Variants in FREM2 observed in about 807,000 individuals in gnomAD.
The protein encoded by FREM2 is FRAS1 related extracellular matrix 2, also known as FRAS1-related extracellular matrix protein 2.
Under a neutral mutation model 219.9 loss-of-function variants are expected in FREM2, and 119 were observed. That is an observed-to-expected ratio of 0.54 (90% confidence interval 0.47 to 0.63). The LOEUF (loss-of-function observed/expected upper bound fraction) is 0.63, where lower values mean the gene tolerates loss of function less well. Among genes scored for constraint, FREM2 ranks in the 30% least tolerant of loss-of-function variants. The probability of loss-of-function intolerance (pLI) is 0.00; values close to 1 mark genes in which losing one functional copy is unlikely to be tolerated. For missense variants in FREM2, 4,030 were observed against 3,993.6 expected (o/e 1.01, Z -0.25); for synonymous variants, 1,562 against 1,522.8 (o/e 1.03, Z -0.60).
At chr13:38,763,488 TCAGAAAGACTTAAAAGG>T (rs1873316146) in intron 2 of FREM2, among the ~76,000 whole-genome samples, 1 of 142,438 alleles carries the variant, frequency 7.0e-6, no homozygotes, top group African/African-American at 2.6e-5. Context: ...ACACCCTCTT[TCAGAAAGACTTAAAAGG>T]CATTACTGAT....
intron 2 of FREM2, among the ~76,000 whole-genome samples, chr13:38,742,764 A>G (rs1872301227): frequency 6.6e-6 from 1 of 152,316 alleles, no homozygotes; most frequent in South Asian, 2.1e-4. Flanking sequence ...TCAGTACACT[A>G]CAATAGTTCT....
intron 2 of FREM2, among the ~76,000 whole-genome samples, chr13:38,701,407 C>T (rs895566165): frequency 5.3e-5 from 8 of 152,094 alleles, no homozygotes; most frequent in Non-Finnish European, 1.0e-4. Context: ...TATATCTTCA[C>T]GAAGGTAACT....
At chr13:38,880,247 T>G in intron 23 of FREM2, 37 bp from the exon 24 acceptor site, 1 of 1,599,366 alleles carries the variant, frequency 6.3e-7, no homozygotes, top group East Asian at 2.2e-5. Flanking sequence ...TGACATGGTA[T>G]CTAGTATTTC....
intron 3 of FREM2, 56 bp from the exon 4 acceptor site, chr13:38,769,522 T>A: frequency 6.8e-7 from 1 of 1,460,776 alleles, no homozygotes; most frequent in Non-Finnish European, 9.5e-7. Context: ...ACAAGGAAAA[T>A]CTTAATAATC....
chr13:38,827,192 G>A (rs539107842), intron 6 of FREM2, among the ~76,000 whole-genome samples: 3 of 152,046 alleles, frequency 2.0e-5, no homozygotes, highest in African/African-American at 7.2e-5. Context: ...TAGTTGTGTG[G>A]CGTTGAGCAA....
chr13:38,849,503 C>T (rs1877291257), intron 8 of FREM2, among the ~76,000 whole-genome samples: 1 of 152,188 alleles, frequency 6.6e-6, no homozygotes, highest in Admixed American at 6.5e-5. Flanking sequence ...TGGCAGAGCT[C>T]TCTGACACGT....
At chr13:38,833,731 T>A (rs1489916560) in intron 6 of FREM2, among the ~76,000 whole-genome samples, 1 of 152,202 alleles carries the variant, frequency 6.6e-6, no homozygotes, top group African/African-American at 2.4e-5. Flanking sequence ...TAGATGAAAC[T>A]TCTTCATCTT....
At chr13:38,694,404 A>G (rs985621200) in intron 1 of FREM2, among the ~76,000 whole-genome samples, 16 of 152,248 alleles carry the variant, frequency 1.1e-4, no homozygotes, top group Admixed American at 1.0e-3. Context: ...AGTCAAGGCT[A>G]GACTTTGATC....
intron 2 of FREM2, among the ~76,000 whole-genome samples, chr13:38,754,789 T>C (rs538753688): frequency 6.6e-6 from 1 of 152,016 alleles, no homozygotes; most frequent in East Asian, 1.9e-4. Context: ...CTCTTTTTTG[T>C]GTTTTGATTG....
intron 16 of FREM2, among the ~76,000 whole-genome samples, chr13:38,867,193 A>G (rs1032625727): frequency 4.6e-5 from 7 of 152,250 alleles, no homozygotes; most frequent in Non-Finnish European, 7.3e-5. Context: ...CTTATGTTCC[A>G]TAATACTAGA....
In FREM2 at chr13:38,691,375, G is replaced by T. The variant is rs143044921; in HGVS notation, c.4031G>T (p.Arg1344Leu). ...SEDKSLVYIIRYGPGHGLLQR... is the reference protein window; with the variant it reads ...SEDKSLVYIILYGPGHGLLQR... ...GACAAATCTTTGGTTTATATTATTC[G>T]TTATGGGCCAGGACATGGCTTATTA... The change falls in exon 1 of 24, where the codon CGT becomes CTT. Residue 1344 changes from arginine (R) to leucine (L), a missense_variant. Transcript: ENST00000280481. 1.2e-6 allele frequency: 2 copies of T among 1,613,822 alleles called. No individual in the cohort carries two copies. The highest frequency in any genetic ancestry group is 1.7e-5 in the Admixed American group (1 of 59,984).
At chr13:38,704,333 T>C (rs1187290147) in intron 2 of FREM2, among the ~76,000 whole-genome samples, 1 of 152,200 alleles carries the variant, frequency 6.6e-6, no homozygotes, top group African/African-American at 2.4e-5. Flanking sequence ...AGTAGACGAA[T>C]GAGTTAAACT....
chr13:38,831,795 T>G (rs1209151265), intron 6 of FREM2, among the ~76,000 whole-genome samples: 1 of 150,422 alleles, frequency 6.6e-6, no homozygotes, highest in Non-Finnish European at 1.5e-5. Context: ...TTTTTTGGTA[T>G]TTTTAGTAGA....
At chr13:38,692,673 G>A (rs1237798298) in intron 1 of FREM2, among the ~76,000 whole-genome samples, 156 bp downstream of exon 1, 3 of 152,216 alleles carry the variant, frequency 2.0e-5, no homozygotes, top group African/African-American at 7.2e-5. Flanking sequence ...TAGGAGGACA[G>A]CTCCCTTCTT....
chr13:38,730,987 C>T (rs1300322126), intron 2 of FREM2, among the ~76,000 whole-genome samples: 18 of 149,592 alleles, frequency 1.2e-4, no homozygotes, highest in Non-Finnish European at 3.0e-5. Context: ...TATTAATGTT[C>T]TTATGGGTAT....
intron 2 of FREM2, among the ~76,000 whole-genome samples, chr13:38,754,879 TGATGATGATGATG>T (rs1566129617): frequency 3.6e-5 from 3 of 83,634 alleles, no homozygotes; most frequent in Non-Finnish European, 5.1e-5. Flanking sequence ...ATGATGATGA[TGATGATGATGATG>T]ATGATGATGA....
At chr13:38,734,950 A>G (rs900910157) in intron 2 of FREM2, among the ~76,000 whole-genome samples, 4 of 151,764 alleles carry the variant, frequency 2.6e-5, no homozygotes, top group African/African-American at 4.8e-5. Context: ...GTTTCACCAT[A>G]TTGGCCAGGC....
intron 3 of FREM2, among the ~76,000 whole-genome samples, chr13:38,768,439 G>C (rs1873527562): frequency 6.6e-6 from 1 of 151,986 alleles, no homozygotes; most frequent in Non-Finnish European, 1.5e-5. Flanking sequence ...ACCACACCCA[G>C]CTAATTTTTG....
chr13:38,840,644 A>ATATATATATATATATATATATGTGTG (rs1184958401), intron 6 of FREM2, among the ~76,000 whole-genome samples: 4 of 134,318 alleles, frequency 3.0e-5, no homozygotes, highest in South Asian at 2.4e-4. Context: ...ATATATATAT[A>ATATATATATATATATATATATGTGTG]TGTGTATGTA....
Sources: gnomAD v4.1 joint callset for allele counts (sites outside exome capture counted in the v4.1 genomes callset) on GRCh38, gnomAD v4.1.1 for gene constraint, MANE v1.5 for transcripts, NCBI Gene and HGNC (gene_info 2026-07-23, HGNC 2026-07-21) for gene names.